Variants in KIAA1958 observed in about 807,000 individuals in gnomAD.
KIAA1958 encodes the protein uncharacterized protein KIAA1958.
Under a neutral mutation model 47.2 loss-of-function variants are expected in KIAA1958, and 14 were observed. The ratio of observed to expected loss-of-function variants is 0.30; its 90% CI spans 0.20 to 0.46. KIAA1958 has a LOEUF of 0.46. KIAA1958 is among the 20% of genes least tolerant of loss of function. The pLI is 1.00. For missense variants in KIAA1958, 803 were observed against 909.2 expected, an observed-to-expected ratio of 0.88 and a Z score of 1.50; for synonymous variants, 354 against 353.3, an observed-to-expected ratio of 1.00 and a Z score of -0.02.
chr9:112,523,377 G>A (rs2132798998), intron 1 of KIAA1958, among the ~76,000 whole-genome samples: 1 of 152,220 alleles, frequency 6.6e-6, no homozygotes, highest in East Asian at 1.9e-4. Context: ...CTTGAACCTG[G>A]GAGGTCAAGG....
intron 2 of KIAA1958, among the ~76,000 whole-genome samples, chr9:112,628,711 C>T (rs536967176): frequency 5.9e-5 from 9 of 152,236 alleles, no homozygotes; most frequent in Non-Finnish European, 1.3e-4. Context: ...TTGGGTCTTA[C>T]GTACATTTTG....
chr9:112,584,857 G>A (rs1438881208), intron 2 of KIAA1958, among the ~76,000 whole-genome samples: 2 of 152,186 alleles, frequency 1.3e-5, no homozygotes, highest in African/African-American at 2.4e-5. Flanking sequence ...GGACAGGGTT[G>A]GCGACCAGCA....
chr9:112,517,762 A>T (rs1001044208), intron 1 of KIAA1958, among the ~76,000 whole-genome samples: 2 of 152,248 alleles, frequency 1.3e-5, no homozygotes, highest in African/African-American at 4.8e-5. Flanking sequence ...AGCCAAGATA[A>T]AAAAGATGGG....
At chr9:112,638,958 C>T (rs1836853037) in intron 2 of KIAA1958, among the ~76,000 whole-genome samples, 1 of 152,114 alleles carries the variant, frequency 6.6e-6, no homozygotes, top group Non-Finnish European at 1.5e-5. Flanking sequence ...ATCTTAAACT[C>T]CAAAAAGTTG....
At chr9:112,594,735 G>C (rs1835990303) in intron 2 of KIAA1958, among the ~76,000 whole-genome samples, 1 of 152,088 alleles carries the variant, frequency 6.6e-6, no homozygotes, top group African/African-American at 2.4e-5. Context: ...AATTATCTTG[G>C]GGATATACCT....
intron 1 of KIAA1958, among the ~76,000 whole-genome samples, chr9:112,537,884 A>C (rs1215391366): frequency 6.6e-6 from 1 of 152,248 alleles, no homozygotes; most frequent in African/African-American, 2.4e-5. Flanking sequence ...CATTAACAAA[A>C]GAAAAAAGTT....
chr9:112,589,661 C>T (rs1407008056), intron 2 of KIAA1958, among the ~76,000 whole-genome samples: 5 of 152,144 alleles, frequency 3.3e-5, no homozygotes, highest in Non-Finnish European at 7.3e-5. Flanking sequence ...CCTACTAGGC[C>T]TGAAAGTAGG....
chr9:112,635,597 C>T (rs555032352), intron 2 of KIAA1958, among the ~76,000 whole-genome samples: 5 of 152,232 alleles, frequency 3.3e-5, no homozygotes, highest in African/African-American at 1.2e-4. Flanking sequence ...TTCTTTCTTA[C>T]CCAGTTTTGG....
chr9:112,588,606 A>T (rs1426177292), intron 2 of KIAA1958, among the ~76,000 whole-genome samples: 2 of 152,184 alleles, frequency 1.3e-5, no homozygotes, highest in Non-Finnish European at 2.9e-5. Flanking sequence ...TCAGTGAAAT[A>T]TATTTTTGTT....
In KIAA1958 at chr9:112,560,175, G is replaced by C. The variant is rs531036496; in HGVS notation, c.-24-13882G>C. Among the ~76,000 whole-genome samples the C allele has an allele frequency of 4.0e-5, 6 of 148,458 alleles. No homozygotes were observed. In the South Asian group the frequency reaches 1.3e-3, roughly 32 times the overall value. On this transcript the variant is annotated intron_variant, in intron 1 of 3. Coordinates refer to ENST00000337530, the MANE Select transcript of KIAA1958 (RefSeq NM_133465.4). Reference sequence around the variant, plus strand: ...TGGCCTGGCCTGCACTGATATTTTTGAAGCTGCTTTTTTTTTCTTTTTCTT... The same window carrying C: ...TGGCCTGGCCTGCACTGATATTTTTCAAGCTGCTTTTTTTTTCTTTTTCTT...
intron 1 of KIAA1958, among the ~76,000 whole-genome samples, chr9:112,527,936 C>CAAAAAA (rs34568466): frequency 8.0e-6 from 1 of 124,956 alleles, no homozygotes; most frequent in Non-Finnish European, 1.7e-5. Flanking sequence ...GACCCTTTCT[C>CAAAAAA]AAAAAAAAAA....
chr9:112,645,493 T>C (rs1588052613), intron 2 of KIAA1958, among the ~76,000 whole-genome samples, 157 bp from the exon 3 acceptor site: 1 of 152,252 alleles, frequency 6.6e-6, no homozygotes, highest in Admixed American at 6.5e-5. Context: ...TATTCTAATA[T>C]ATACAGATAG....
intron 1 of KIAA1958, among the ~76,000 whole-genome samples, chr9:112,540,489 A>G (rs1244421326): frequency 6.6e-6 from 1 of 152,180 alleles, no homozygotes; most frequent in Non-Finnish European, 1.5e-5. Flanking sequence ...GTCAAATTTT[A>G]TCTGTGTTTG....
intron 1 of KIAA1958, among the ~76,000 whole-genome samples, chr9:112,539,513 TTTA>T (rs1834905726): frequency 7.6e-5 from 11 of 145,554 alleles, no homozygotes; most frequent in Admixed American, 7.5e-4. Context: ...GTTGTTATGA[TTTA>T]GAGTGGGGTT....
At chr9:112,587,411 A>G (rs968346482) in intron 2 of KIAA1958, among the ~76,000 whole-genome samples, 6 of 152,218 alleles carry the variant, frequency 3.9e-5, no homozygotes, top group African/African-American at 7.2e-5. Flanking sequence ...TGGCCCCCCA[A>G]AGTGCTGGGA....
chr9:112,500,926 A>G (rs1419843075), intron 1 of KIAA1958, among the ~76,000 whole-genome samples: 1 of 151,364 alleles, frequency 6.6e-6, no homozygotes, highest in African/African-American at 2.4e-5. Flanking sequence ...CCTGGGCCAC[A>G]TAGGGAGACC....
At chr9:112,489,403 T>C (rs1833923461) in intron 1 of KIAA1958, among the ~76,000 whole-genome samples, 1 of 152,120 alleles carries the variant, frequency 6.6e-6, no homozygotes, top group African/African-American at 2.4e-5. Context: ...GTGCCTGTTT[T>C]CTGAGATCAT....
intron 2 of KIAA1958, among the ~76,000 whole-genome samples, chr9:112,634,027 C>T (rs962487510): frequency 6.6e-6 from 1 of 152,070 alleles, no homozygotes. Flanking sequence ...GGTGTGTGTT[C>T]AACTGTAGTA....
chr9:112,536,442 T>C (rs1834856271), intron 1 of KIAA1958, among the ~76,000 whole-genome samples: 1 of 152,182 alleles, frequency 6.6e-6, no homozygotes, highest in Admixed American at 6.5e-5. Context: ...GCTTGCAGGC[T>C]ATAATTTGCT....
Sources: allele counts gnomAD v4.1 joint callset (sites outside exome capture counted in the v4.1 genomes callset), GRCh38; gene constraint gnomAD v4.1.1; transcripts MANE v1.5; gene names NCBI Gene and HGNC (gene_info 2026-07-23, HGNC 2026-07-21).